DLG2: variants seen among roughly 807,000 people sequenced by gnomAD.
DLG2 encodes the protein disks large homolog 2.
DLG2 carries 45 observed loss-of-function variants against 132.5 expected under a neutral mutation model. That is an observed-to-expected ratio of 0.34 (90% CI 0.27 to 0.44). The LOEUF (loss-of-function observed/expected upper bound fraction) is 0.44. DLG2 is among the 20% of genes least tolerant of loss of function. DLG2 has a pLI of 1.00. For missense variants in DLG2, 1,045 were observed against 1,196.9 expected (o/e 0.87, Z 1.87); for synonymous variants, 424 against 419.6 (o/e 1.01, Z -0.13).
intron 21 of DLG2, among the ~76,000 whole-genome samples, chr11:83,522,719 T>A (rs1006470118): frequency 2.0e-5 from 3 of 152,054 alleles, no homozygotes; most frequent in Non-Finnish European, 4.4e-5. Context: ...TTATTATAGT[T>A]GAAAAATCAC....
intron 3 of DLG2, among the ~76,000 whole-genome samples, chr11:85,534,305 A>T (rs1050183129): frequency 3.9e-5 from 6 of 152,100 alleles, no homozygotes; most frequent in African/African-American, 1.4e-4. Context: ...TATATTAACT[A>T]AAAAAAGGTC....
intron 6 of DLG2, chr11:85,021,542 A>T: frequency 1.3e-6 from 2 of 1,588,530 alleles, no homozygotes; most frequent in African/African-American, 2.7e-5. Context: ...CCATACTTCG[A>T]AAAGATTGCC....
chr11:85,593,700 A>G (rs1017157246), intron 3 of DLG2, among the ~76,000 whole-genome samples: 1 of 152,206 alleles, frequency 6.6e-6, no homozygotes. Context: ...AATACACATT[A>G]TGATTAATAA....
At chr11:83,832,133 A>C (rs2054710063) in intron 17 of DLG2, among the ~76,000 whole-genome samples, 1 of 152,242 alleles carries the variant, frequency 6.6e-6, no homozygotes, top group Admixed American at 6.5e-5. Flanking sequence ...GAGAAGAATA[A>C]ATAATAGTTA....
intron 6 of DLG2, among the ~76,000 whole-genome samples, chr11:84,779,625 A>C (rs1237975553): frequency 6.6e-6 from 1 of 152,156 alleles, no homozygotes; most frequent in Non-Finnish European, 1.5e-5. Context: ...CAAAACTGAT[A>C]AACTTCTAGC....
In DLG2 at chr11:85,237,287, G is replaced by A. The variant is rs894611995; in HGVS notation, c.186+47933C>T. ...AAAAAGGAGGGTGGAAATTAAAATT[G>A]TTTTCTGGTATTAATTAATAGGGAA... On this transcript the variant is annotated intron_variant, in intron 4 of 27. Transcript: ENST00000376104. Among the ~76,000 whole-genome samples the A allele has an allele frequency of 3.0e-4, 45 of 152,000 alleles. 1 individual carries two copies. The highest frequency in any genetic ancestry group is 1.0e-3 in the African/African-American group (43 of 41,420).
At chr11:85,053,588 A>G (rs1449095033) in intron 6 of DLG2, among the ~76,000 whole-genome samples, 14 of 148,534 alleles carry the variant, frequency 9.4e-5, no homozygotes, top group Non-Finnish European at 1.9e-4. Context: ...GGAGATCGAG[A>G]CCATCCTGCC....
chr11:85,463,585 T>C lies in DLG2; in HGVS notation c.40+135072A>G, dbSNP rs75096736. Among the ~76,000 whole-genome samples, 1,416 of 152,164 alleles carry C rather than the reference T, an allele frequency of 9.3e-3. 19 individuals are homozygous for C. The highest frequency in any genetic ancestry group is 0.031 in the African/African-American group (1,267 of 41,524). The stretch of plus-strand genomic sequence containing the variant: ...CTGGAGGCCAGGAGTATGAGACCAA[T>C]CTGGGCTACATAGTCTATAAAAAAA... On this transcript the variant is annotated intron_variant, in intron 3 of 27. Coordinates refer to ENST00000376104, the MANE Select transcript of DLG2 (RefSeq NM_001142699.3).
chr11:84,791,230 T>G (rs1383699732), intron 6 of DLG2, among the ~76,000 whole-genome samples: 1 of 152,094 alleles, frequency 6.6e-6, no homozygotes, highest in African/African-American at 2.4e-5. Context: ...GTTCCCTCCC[T>G]CAACACCAGC....
intron 3 of DLG2, among the ~76,000 whole-genome samples, chr11:85,545,064 T>C (rs886176087): frequency 2.0e-5 from 3 of 152,246 alleles, no homozygotes; most frequent in African/African-American, 7.2e-5. Flanking sequence ...CCTTGTGTTG[T>C]GCTGGTTTTC....
Position 84,375,912 on chromosome 11 carries a change from C to T in DLG2, c.520-124621G>A, listed in dbSNP as rs540695264. On this transcript the variant is annotated intron_variant, in intron 7 of 27. Transcript: ENST00000376104. ...CTTTTGTATAACTTATTAATTAAAT[C>T]CTGTTCAATGACTTGTTTGTGATTA... 2.6e-5 allele frequency among the ~76,000 whole-genome samples: 4 copies of T among 152,056 alleles called. No homozygotes were observed. In the South Asian group the frequency reaches 8.3e-4, roughly 32 times the overall value.
chr11:84,274,545 C>T (rs1000269904), intron 7 of DLG2, among the ~76,000 whole-genome samples: 4 of 152,138 alleles, frequency 2.6e-5, no homozygotes, highest in African/African-American at 9.7e-5. Context: ...TTTGGGTTAC[C>T]TAGTTTTCCT....
intron 3 of DLG2, among the ~76,000 whole-genome samples, chr11:85,430,863 A>T (rs2091132454): frequency 6.6e-6 from 1 of 151,678 alleles, no homozygotes; most frequent in Admixed American, 6.6e-5. Context: ...AAAAAAAAAA[A>T]AATACAGCTG....
chr11:85,116,676 G>A (rs1187375116), intron 5 of DLG2, among the ~76,000 whole-genome samples: 1 of 151,806 alleles, frequency 6.6e-6, no homozygotes, highest in Non-Finnish European at 1.5e-5. Flanking sequence ...TACATTATAG[G>A]TGGAAATATG....
intron 6 of DLG2, among the ~76,000 whole-genome samples, chr11:84,559,277 G>A (rs952115617): frequency 2.6e-5 from 4 of 152,064 alleles, no homozygotes; most frequent in African/African-American, 9.7e-5. Context: ...CACTGAGTTG[G>A]TTGTTAACCA....
intron 3 of DLG2, among the ~76,000 whole-genome samples, chr11:85,505,507 A>G (rs975845855): frequency 6.6e-6 from 1 of 152,080 alleles, no homozygotes; most frequent in Non-Finnish European, 1.5e-5. Context: ...TTCTGCTTAT[A>G]TGATGAATTA....
intron 17 of DLG2, among the ~76,000 whole-genome samples, chr11:83,827,533 G>T (rs1289060437): frequency 6.6e-6 from 1 of 152,046 alleles, no homozygotes; most frequent in East Asian, 1.9e-4. Flanking sequence ...TTCACTTCTG[G>T]CAATACATAT....
At chr11:83,828,724 T>C (rs2153993079) in intron 17 of DLG2, among the ~76,000 whole-genome samples, 1 of 152,238 alleles carries the variant, frequency 6.6e-6, no homozygotes, top group Non-Finnish European at 1.5e-5. Context: ...TATACATGGG[T>C]ATCTGAACCT....
intron 9 of DLG2, among the ~76,000 whole-genome samples, chr11:84,147,881 T>C (rs1028393387): frequency 1.2e-4 from 18 of 152,174 alleles, no homozygotes; most frequent in Non-Finnish European, 2.6e-4. Flanking sequence ...TGTTTGTGTA[T>C]AAACATTATA....
Sources: gnomAD v4.1 joint callset for allele counts (sites outside exome capture counted in the v4.1 genomes callset) on GRCh38, gnomAD v4.1.1 for gene constraint, MANE v1.5 for transcripts, NCBI Gene and HGNC (gene_info 2026-07-23, HGNC 2026-07-21) for gene names.